Variants in CNTNAP2 observed in about 807,000 individuals in gnomAD.
CNTNAP2 encodes contactin associated protein 2.
In CNTNAP2, 98 loss-of-function variants were observed where a neutral mutation model predicts 155.2. The ratio of observed to expected loss-of-function variants is 0.63; its 90% CI spans 0.54 to 0.75. CNTNAP2 has a LOEUF of 0.75. Ranked by LOEUF, CNTNAP2 falls within the 30% of genes least tolerant of loss-of-function variation. CNTNAP2 has a pLI of 0.00. For missense variants in CNTNAP2, 1,727 were observed against 1,688.1 expected (o/e 1.02, Z -0.40); for synonymous variants, 651 against 631.2 (o/e 1.03, Z -0.47).
intron 1 of CNTNAP2, among the ~76,000 whole-genome samples, chr7:146,488,840 C>G (rs1797097574): frequency 6.6e-6 from 1 of 152,086 alleles, no homozygotes. Flanking sequence ...AGGCTAGCCT[C>G]AAACTCCTGG....
intron 22 of CNTNAP2, among the ~76,000 whole-genome samples, chr7:148,384,704 A>C (rs995654916): frequency 6.6e-6 from 1 of 152,188 alleles, no homozygotes; most frequent in Non-Finnish European, 1.5e-5. Flanking sequence ...TGCTGAAGCT[A>C]AAAAGAGGAA....
In CNTNAP2 at chr7:147,238,140, G is replaced by A. The variant is rs865886560; in HGVS notation, c.1349-62001G>A. 1.0e-3 allele frequency among the ~76,000 whole-genome samples: 154 copies of A among 152,076 alleles called. 2 individuals are homozygous for A. The highest frequency in any genetic ancestry group is 3.6e-3 in the African/African-American group (148 of 41,488). ...CGCCATTCTCCTGCCTCGGCCTCCC[G>A]AGTAGCTGGGACTACAGGCGCCCGC... On this transcript the variant is annotated intron_variant, in intron 8 of 23. Transcript: ENST00000361727.
At chr7:148,317,860 A>AT (rs1393190210) in intron 21 of CNTNAP2, among the ~76,000 whole-genome samples, 1 of 151,958 alleles carries the variant, frequency 6.6e-6, no homozygotes, top group South Asian at 2.1e-4. Flanking sequence ...CGCCCGGCTA[A>AT]TTTTTTGTAT....
chr7:147,226,731 A>G (rs1285951762), intron 8 of CNTNAP2, among the ~76,000 whole-genome samples: 1 of 152,148 alleles, frequency 6.6e-6, no homozygotes, highest in Non-Finnish European at 1.5e-5. Context: ...TCCCAGAACT[A>G]TCCTCTTCAC....
intron 1 of CNTNAP2, among the ~76,000 whole-genome samples, chr7:146,219,208 C>T (rs1265014481): frequency 6.6e-6 from 1 of 152,160 alleles, no homozygotes; most frequent in African/African-American, 2.4e-5. Flanking sequence ...CACCAGGTCC[C>T]TCCCTCCACA....
At chr7:146,530,242 A>T (rs2129139038) in intron 1 of CNTNAP2, among the ~76,000 whole-genome samples, 1 of 152,280 alleles carries the variant, frequency 6.6e-6, no homozygotes, top group East Asian at 1.9e-4. Context: ...AGATGGATTA[A>T]AGATGTAAAT....
intron 12 of CNTNAP2, among the ~76,000 whole-genome samples, chr7:147,597,310 A>G (rs938747782): frequency 6.6e-6 from 1 of 151,866 alleles, no homozygotes; most frequent in African/African-American, 2.4e-5. Context: ...CCACCTACCC[A>G]TGCCCCTCAC....
At chr7:146,299,732 T>G (rs2129088109) in intron 1 of CNTNAP2, among the ~76,000 whole-genome samples, 1 of 152,030 alleles carries the variant, frequency 6.6e-6, no homozygotes, top group Non-Finnish European at 1.5e-5. Flanking sequence ...ATTCCGCAAT[T>G]ATGGAGGGGG....
In CNTNAP2 at chr7:147,310,381, A is replaced by G. The variant is rs975500731; in HGVS notation, c.1498+10091A>G. 4.6e-5 allele frequency among the ~76,000 whole-genome samples: 7 copies of G among 152,240 alleles called. No individual in the cohort carries two copies. In the East Asian group the frequency reaches 1.4e-3, roughly 29 times the overall value. On this transcript the variant is annotated intron_variant, in intron 9 of 23. Coordinates refer to ENST00000361727, the MANE Select transcript of CNTNAP2 (RefSeq NM_014141.6). ...ACATGTTCTGCTTTCTTTTTTCTTG[A>G]TACTGATTTTGCTCTTTTAAAATGA...
At chr7:147,489,445 C>A (rs891121544) in intron 11 of CNTNAP2, among the ~76,000 whole-genome samples, 1 of 152,174 alleles carries the variant, frequency 6.6e-6, no homozygotes, top group Admixed American at 6.5e-5. Flanking sequence ...AAGTTTTAAA[C>A]TTGAAAAAAT....
intron 13 of CNTNAP2, among the ~76,000 whole-genome samples, chr7:147,803,613 G>A (rs1798041752): frequency 1.3e-5 from 2 of 152,162 alleles, no homozygotes; most frequent in African/African-American, 4.8e-5. Flanking sequence ...GATATCCCTG[G>A]ATTTCCTCTG....
chr7:146,458,547 A>G (rs1796590062), intron 1 of CNTNAP2, among the ~76,000 whole-genome samples: 1 of 152,220 alleles, frequency 6.6e-6, no homozygotes, highest in Non-Finnish European at 1.5e-5. Context: ...TTTGTGGAAC[A>G]TTAGATTTTA....
At chr7:146,484,597 T>G (rs1420824166) in intron 1 of CNTNAP2, among the ~76,000 whole-genome samples, 1 of 151,662 alleles carries the variant, frequency 6.6e-6, no homozygotes, top group East Asian at 1.9e-4. Flanking sequence ...AAAAAGACAT[T>G]ATACTAAAAC....
At chr7:147,445,655 T>C (rs1797721944) in intron 10 of CNTNAP2, among the ~76,000 whole-genome samples, 1 of 152,250 alleles carries the variant, frequency 6.6e-6, no homozygotes, top group South Asian at 2.1e-4. Flanking sequence ...TATTAGCTTA[T>C]GAAAAATACA....
At chr7:147,251,489 A>G (rs1300977185) in intron 8 of CNTNAP2, among the ~76,000 whole-genome samples, 1 of 152,138 alleles carries the variant, frequency 6.6e-6, no homozygotes, top group African/African-American at 2.4e-5. Context: ...ATATTGTCTG[A>G]CCTGTGGAGT....
chr7:146,855,695 T>C (rs1020416670), intron 3 of CNTNAP2, among the ~76,000 whole-genome samples: 5 of 151,456 alleles, frequency 3.3e-5, no homozygotes, highest in South Asian at 2.1e-4. Context: ...ATGAGTGATA[T>C]GTCAATTGTG....
intron 1 of CNTNAP2, among the ~76,000 whole-genome samples, chr7:146,456,411 G>A (rs774435748): frequency 9.2e-5 from 14 of 152,068 alleles, no homozygotes; most frequent in Non-Finnish European, 1.9e-4. Context: ...TTGCTTGACA[G>A]AACTGAAAAT....
At chr7:147,390,064 C>T (rs1404614291) in intron 9 of CNTNAP2, among the ~76,000 whole-genome samples, 1 of 152,110 alleles carries the variant, frequency 6.6e-6, no homozygotes, top group East Asian at 1.9e-4. Flanking sequence ...AGTATTTTTA[C>T]TGAAATTTCA....
intron 18 of CNTNAP2, among the ~76,000 whole-genome samples, chr7:148,215,995 T>C (rs1795632498): frequency 6.6e-6 from 1 of 152,204 alleles, no homozygotes; most frequent in African/African-American, 2.4e-5. Context: ...GGATGTCAAG[T>C]GTTGTGAGAT....
Sources: allele counts gnomAD v4.1 joint callset (sites outside exome capture counted in the v4.1 genomes callset), GRCh38; gene constraint gnomAD v4.1.1; transcripts MANE v1.5; gene names NCBI Gene and HGNC (gene_info 2026-07-23, HGNC 2026-07-21).